Variants in SFXN1 observed in about 807,000 individuals in gnomAD.
SFXN1 encodes the protein sideroflexin-1.
A neutral mutation model predicts 39.5 loss-of-function variants in SFXN1; 32 were observed. The ratio of observed to expected loss-of-function variants is 0.81; its 90% CI spans 0.61 to 1.09. SFXN1 has a LOEUF of 1.09. SFXN1 is among the 50% of genes least tolerant of loss of function. SFXN1 has a pLI of 0.00. For synonymous variants in SFXN1, 136 were observed against 146.5 expected, an observed-to-expected ratio of 0.93 and a Z score of 0.52; for missense variants, 402 against 407.1, an observed-to-expected ratio of 0.99 and a Z score of 0.11.
intron 8 of SFXN1, among the ~76,000 whole-genome samples, chr5:175,518,542 GT>G (rs886081695): frequency 9.2e-5 from 14 of 152,198 alleles, no homozygotes; most frequent in Non-Finnish European, 4.4e-5. Context: ...AGCGTTTAAA[GT>G]TTGGGGCACA....
chr5:175,497,004 C>G (rs1759882198), intron 2 of SFXN1, among the ~76,000 whole-genome samples: 1 of 152,104 alleles, frequency 6.6e-6, no homozygotes, highest in Non-Finnish European at 1.5e-5. Context: ...TTCTCCCTGC[C>G]TCAGCCTCCC....
chr5:175,516,133 C>T (rs1237466722), intron 7 of SFXN1, among the ~76,000 whole-genome samples: 1 of 152,164 alleles, frequency 6.6e-6, no homozygotes, highest in East Asian at 1.9e-4. Context: ...TTGCCCACTG[C>T]CCTCCTCCTG....
intron 1 of SFXN1, among the ~76,000 whole-genome samples, chr5:175,478,894 C>T (rs1338326486): frequency 6.6e-6 from 1 of 152,152 alleles, no homozygotes; most frequent in African/African-American, 2.4e-5. Context: ...CCCAGCATCC[C>T]GTGGGCCTCG....
chr5:175,480,672 A>T (rs1467752764), intron 1 of SFXN1, among the ~76,000 whole-genome samples: 1 of 152,256 alleles, frequency 6.6e-6, no homozygotes, highest in African/African-American at 2.4e-5. Flanking sequence ...GGCAGGGAAT[A>T]TCCCTTCCTG....
intron 1 of SFXN1, chr5:175,491,838 A>G: frequency 3.2e-6 from 1 of 309,008 alleles, no homozygotes; most frequent in Non-Finnish European, 5.8e-6. Context: ...GTATCCAACA[A>G]GTAAATATTA....
chr5:175,493,513 A>G (rs1166672549), intron 2 of SFXN1, among the ~76,000 whole-genome samples: 2 of 152,218 alleles, frequency 1.3e-5, no homozygotes, highest in Non-Finnish European at 2.9e-5. Flanking sequence ...CAATGTGCGT[A>G]AAGAGGGAAT....
At chr5:175,514,413 T>A (rs1760646910) in intron 7 of SFXN1, among the ~76,000 whole-genome samples, 1 of 152,182 alleles carries the variant, frequency 6.6e-6, no homozygotes, top group Non-Finnish European at 1.5e-5. Flanking sequence ...TAAGGCTGCT[T>A]AGAGCTACCT....
chr5:175,523,659 TA>T (rs1194869411), intron 10 of SFXN1: 1 of 152,140 alleles, frequency 6.6e-6, no homozygotes, highest in Non-Finnish European at 1.5e-5. Context: ...CTGCAAGAAA[TA>T]AAATATAGCC....
intron 8 of SFXN1, among the ~76,000 whole-genome samples, chr5:175,518,382 T>C (rs1029273415): frequency 1.3e-5 from 2 of 150,796 alleles, no homozygotes; most frequent in Admixed American, 1.3e-4. Context: ...TGTTCATTCA[T>C]GTTTTTTTCA....
intron 1 of SFXN1, 139 bp downstream of exon 1, chr5:175,478,778 G>A (rs1340982772): frequency 6.6e-6 from 1 of 151,720 alleles, no homozygotes; most frequent in Non-Finnish European, 1.5e-5. Context: ...GAGGTCGGAA[G>A]CCCCTTTGCG....
At chr5:175,500,403 AACACACACACACACACACACACACACAC>A (rs4008099) in intron 2 of SFXN1, among the ~76,000 whole-genome samples, 13 of 127,226 alleles carry the variant, frequency 1.0e-4, no homozygotes, top group South Asian at 2.7e-4. Context: ...CCTGTACACC[AACACACACACACACACACACACACACAC>A]ACACACACAC....
At chr5:175,500,365 A>G (rs975850727) in intron 2 of SFXN1, among the ~76,000 whole-genome samples, 1 of 151,326 alleles carries the variant, frequency 6.6e-6, no homozygotes, top group African/African-American at 2.4e-5. Flanking sequence ...AAGTACTTAG[A>G]GATCACTTTA....
chr5:175,495,976 C>T (rs1759845811), intron 2 of SFXN1, among the ~76,000 whole-genome samples: 1 of 147,750 alleles, frequency 6.8e-6, no homozygotes, highest in African/African-American at 2.5e-5. Context: ...TCTCGGCTCA[C>T]AGCAACCTCC....
At chr5:175,504,053 A>AG (rs906534755) in intron 2 of SFXN1, among the ~76,000 whole-genome samples, 1 of 139,878 alleles carries the variant, frequency 7.1e-6, no homozygotes, top group Non-Finnish European at 1.6e-5. Context: ...GAAAGAAAAG[A>AG]GGGGGGTGGG....
chr5:175,507,276 A>G (rs1581301869), intron 2 of SFXN1, among the ~76,000 whole-genome samples: 1 of 152,198 alleles, frequency 6.6e-6, no homozygotes, highest in Non-Finnish European at 1.5e-5. Context: ...CATTTGAACT[A>G]ATTGCATCTG....
At chr5:175,525,339 CAG>C (rs1761025000) in intron 10 of SFXN1, among the ~76,000 whole-genome samples, 1 of 152,198 alleles carries the variant, frequency 6.6e-6, no homozygotes, top group Non-Finnish European at 1.5e-5. Context: ...ACTGGACTTA[CAG>C]AGTTTTCCTA....
At chr5:175,517,539 A>G (rs900623970) in intron 8 of SFXN1, among the ~76,000 whole-genome samples, 1 of 152,062 alleles carries the variant, frequency 6.6e-6, no homozygotes, top group South Asian at 2.1e-4. Flanking sequence ...TCAATGAGAG[A>G]TATTGCTCTG....
In SFXN1 at chr5:175,486,679, G is replaced by A. The variant is rs1581262771; in HGVS notation, c.-9-5416G>A. On this transcript the variant is annotated intron_variant, in intron 1 of 10. Transcript: ENST00000321442. ...TGTAGTCCTAGCTGCTCGGGAGGCT[G>A]AGGTGGGAGGATCACCTGAGCCCAG... Among the ~76,000 whole-genome samples, 3 of 152,300 alleles carry A rather than the reference G, an allele frequency of 2.0e-5. No individual in the cohort carries two copies. The Middle Eastern group carries it at 0.01, about 518-fold the overall frequency.
At chr5:175,500,403 AACACACACACACACACACAC>A (rs4008099) in intron 2 of SFXN1, among the ~76,000 whole-genome samples, 265 of 127,268 alleles carry the variant, frequency 2.1e-3, no homozygotes, top group South Asian at 0.015. Flanking sequence ...CCTGTACACC[AACACACACACACACACACAC>A]ACACACACAC....
Sources: allele counts gnomAD v4.1 joint callset (sites outside exome capture counted in the v4.1 genomes callset), GRCh38; gene constraint gnomAD v4.1.1; transcripts MANE v1.5; gene names NCBI Gene and HGNC (gene_info 2026-07-23, HGNC 2026-07-21).